Variants in PAX5 observed in about 807,000 individuals in gnomAD.
PAX5 encodes the protein paired box protein Pax-5.
PAX5 carries 9 observed loss-of-function variants against 43.7 expected under a neutral mutation model. That is an observed-to-expected ratio of 0.21 (90% CI 0.12 to 0.36). PAX5 has a LOEUF of 0.36. Ranked by LOEUF, PAX5 falls within the 10% of genes least tolerant of loss-of-function variation. PAX5 has a pLI of 1.00. For synonymous variants in PAX5, 228 were observed against 214.3 expected (o/e 1.06, Z -0.56); for missense variants, 383 against 532.7 (o/e 0.72, Z 2.77).
intron 7 of PAX5, among the ~76,000 whole-genome samples, chr9:36,906,287 T>C (rs1828818210): frequency 6.6e-6 from 1 of 152,110 alleles, no homozygotes; most frequent in Admixed American, 6.6e-5. Context: ...ATCACCCAGG[T>C]GAGCCCAATG....
At position 36,891,272 on chromosome 9, in the gene PAX5, C is replaced by A. The variant is rs191950582; in HGVS notation, c.911-9167G>T. ...AGGTGAACAATGCCAAAGACAATGA[C>A]ATGAGCTGAAGATTTTCAACAAACC... is the stretch of plus-strand genomic sequence containing the variant. On this transcript the variant is annotated intron_variant, in intron 7 of 9. Transcript: ENST00000358127. 2.0e-5 allele frequency among the ~76,000 whole-genome samples: 3 copies of A among 152,346 alleles called. No individual in the cohort carries two copies. The East Asian group carries it at 5.8e-4, about 29-fold the overall frequency.
chr9:36,910,501 T>A (rs1340976653), intron 7 of PAX5, among the ~76,000 whole-genome samples: 1 of 152,232 alleles, frequency 6.6e-6, no homozygotes, highest in East Asian at 1.9e-4. Flanking sequence ...ATGTTAGGAC[T>A]AATTTTTTTT....
At chr9:36,895,280 G>T (rs919879579) in intron 7 of PAX5, among the ~76,000 whole-genome samples, 1 of 152,222 alleles carries the variant, frequency 6.6e-6, no homozygotes, top group Admixed American at 6.5e-5. Context: ...TGCATGCGAG[G>T]TACATGAAGA....
At chr9:36,923,785 G>A (rs540276214) in intron 6 of PAX5, among the ~76,000 whole-genome samples, 1 of 152,278 alleles carries the variant, frequency 6.6e-6, no homozygotes, top group Admixed American at 6.5e-5. Flanking sequence ...GCTCCAGTTG[G>A]CCAGAGACCC....
intron 6 of PAX5, among the ~76,000 whole-genome samples, chr9:36,933,085 A>C (rs1173618179): frequency 6.6e-6 from 1 of 151,036 alleles, no homozygotes; most frequent in Non-Finnish European, 1.5e-5. Flanking sequence ...CGAACTTTGC[A>C]GTGAGCCAAG....
At chr9:36,905,765 G>A (rs1177811980) in intron 7 of PAX5, among the ~76,000 whole-genome samples, 5 of 152,200 alleles carry the variant, frequency 3.3e-5, no homozygotes, top group Admixed American at 2.0e-4. Flanking sequence ...CCACATGGAG[G>A]AAAGAGCACT....
intron 6 of PAX5, among the ~76,000 whole-genome samples, chr9:36,925,001 A>C (rs1830538443): frequency 6.6e-6 from 1 of 152,070 alleles, no homozygotes; most frequent in African/African-American, 2.4e-5. Flanking sequence ...AGGGACACAG[A>C]AGCAAGCAGT....
intron 5 of PAX5, among the ~76,000 whole-genome samples, chr9:36,986,586 A>G (rs1309696596): frequency 1.3e-5 from 2 of 151,856 alleles, no homozygotes; most frequent in Non-Finnish European, 2.9e-5. Flanking sequence ...CGCGCAGGAA[A>G]TCCAGGTGAC....
Position 36,836,229 on chromosome 9 carries a change from C to T in PAX5, c.*4331G>A, listed in dbSNP as rs180828247. ...AGCAGCTCCCCAATCCCGTCCCCAG[C>T]GCCTCTGACCTTCCACCCAACTCCA... On this transcript the variant is annotated 3_prime_UTR_variant, in exon 10 of 10. Transcript: ENST00000358127. The T allele has an allele frequency of 7.6e-4, 178 of 233,622 alleles. 2 individuals are homozygous for T. The highest frequency in any genetic ancestry group is 6.3e-3 in the Middle Eastern group (5 of 792). The allele number at this position is 233,622 out of a possible 1,614,324, so 14.5% of individuals were successfully genotyped here. A position where few individuals can be genotyped will look rare whatever the true frequency, so the allele number is the denominator to read the frequency against.
chr9:37,002,806 C>A, intron 4 of PAX5, 30 bp from the exon 5 acceptor site: 1 of 1,594,118 alleles, frequency 6.3e-7, no homozygotes, highest in Non-Finnish European at 8.5e-7. Flanking sequence ...CGGTCAGGGC[C>A]GCAGAGGGCT....
chr9:36,853,413 C>T (rs75617313), intron 8 of PAX5, among the ~76,000 whole-genome samples: 297 of 152,212 alleles, frequency 2.0e-3, no homozygotes, highest in African/African-American at 6.6e-3. Context: ...ATTGACCAAC[C>T]GAGAACCCAG....
Position 36,837,062 on chromosome 9 carries a change from C to A in PAX5, c.*3498G>T. 4.3e-6 allele frequency: 1 copy of A among 232,782 alleles called. No individual in the cohort carries two copies. The highest frequency in any genetic ancestry group is 8.5e-6 in the Non-Finnish European group (1 of 117,836). The allele number at this position is 232,782 out of a possible 1,614,324, so 14.4% of individuals were successfully genotyped here. A position where few individuals can be genotyped will look rare whatever the true frequency, so the allele number is the denominator to read the frequency against. ...GCCTCTGGGTCCCTGTTCTTTCTTGCCTGATTGTGGGTCTGGGGGATTTCT... is the reference window on the plus strand; with the variant it reads ...GCCTCTGGGTCCCTGTTCTTTCTTGACTGATTGTGGGTCTGGGGGATTTCT... On this transcript the variant is annotated 3_prime_UTR_variant, in exon 10 of 10. Transcript: ENST00000358127.
chr9:36,972,412 A>G (rs540595714), intron 5 of PAX5, among the ~76,000 whole-genome samples: 5 of 152,340 alleles, frequency 3.3e-5, no homozygotes, highest in African/African-American at 1.2e-4. Context: ...GTAGTAAGCT[A>G]AGGTAGCTGA....
intron 8 of PAX5, among the ~76,000 whole-genome samples, chr9:36,854,987 G>A (rs751837719): frequency 9.2e-5 from 14 of 152,246 alleles, no homozygotes; most frequent in East Asian, 1.9e-4. Context: ...CCAGCTGTGC[G>A]GTGGCCAAGT....
intron 6 of PAX5, among the ~76,000 whole-genome samples, chr9:36,960,145 C>T (rs1408013676): frequency 6.6e-6 from 1 of 152,200 alleles, no homozygotes; most frequent in Admixed American, 6.5e-5. Context: ...AGGCAGGACT[C>T]CTCCTGGGCC....
intron 1 of PAX5, among the ~76,000 whole-genome samples, chr9:37,022,386 G>T (rs1172154507): frequency 6.6e-6 from 1 of 152,232 alleles, no homozygotes; most frequent in Non-Finnish European, 1.5e-5. Flanking sequence ...CCTTCAGAAG[G>T]CTTTGTTCTG....
At chr9:36,974,471 CA>C (rs1463291337) in intron 5 of PAX5, among the ~76,000 whole-genome samples, 1 of 152,144 alleles carries the variant, frequency 6.6e-6, no homozygotes, top group Non-Finnish European at 1.5e-5. Context: ...TTCCACTTTA[CA>C]GATGAGAAAA....
chr9:36,927,162 A>C (rs1830711068), intron 6 of PAX5, among the ~76,000 whole-genome samples: 1 of 152,142 alleles, frequency 6.6e-6, no homozygotes, highest in African/African-American at 2.4e-5. Flanking sequence ...TGGGTGAATG[A>C]AGGAAGGAGT....
chr9:36,950,007 C>T (rs1319014790), intron 6 of PAX5, among the ~76,000 whole-genome samples: 1 of 152,238 alleles, frequency 6.6e-6, no homozygotes, highest in Non-Finnish European at 1.5e-5. Context: ...CAGCTCCAGC[C>T]TCATGGATGG....
Sources: gnomAD v4.1 joint callset for allele counts (sites outside exome capture counted in the v4.1 genomes callset) on GRCh38, gnomAD v4.1.1 for gene constraint, MANE v1.5 for transcripts, NCBI Gene and HGNC (gene_info 2026-07-23, HGNC 2026-07-21) for gene names.